Variants in USH2A observed in about 807,000 individuals in gnomAD.
The protein encoded by USH2A is usherin, also known as Usher syndrome 2A (autosomal recessive, mild).
A neutral mutation model predicts 538.9 loss-of-function variants in USH2A; 443 were observed. That is an observed-to-expected ratio of 0.82 (90% CI 0.76 to 0.89). The LOEUF is 0.89. USH2A is among the 40% of genes least tolerant of loss of function. The pLI is 0.00. For missense variants in USH2A, 6,633 were observed against 6,324.8 expected (o/e 1.05, Z -1.65); for synonymous variants, 2,413 against 2,273.5 (o/e 1.06, Z -1.75).
chr1:216,271,109 A>C (rs1197462660), intron 11 of USH2A, among the ~76,000 whole-genome samples: 1 of 152,078 alleles, frequency 6.6e-6, no homozygotes. Context: ...TACTTGGTAC[A>C]CCTCTGTGTC....
intron 37 of USH2A, among the ~76,000 whole-genome samples, chr1:215,951,808 A>G (rs375729877): frequency 6.6e-6 from 1 of 151,836 alleles, no homozygotes; most frequent in African/African-American, 2.4e-5. Context: ...CCATTCTGTA[A>G]TGGCCTTCTT....
At chr1:216,096,845 A>C (rs1193502547) in intron 22 of USH2A, among the ~76,000 whole-genome samples, 1 of 152,210 alleles carries the variant, frequency 6.6e-6, no homozygotes, top group Non-Finnish European at 1.5e-5. Flanking sequence ...TTGGTTGTTA[A>C]GCCCACAGAT....
chr1:216,145,944 T>C (rs1466327037), intron 21 of USH2A, among the ~76,000 whole-genome samples: 4 of 152,150 alleles, frequency 2.6e-5, no homozygotes, highest in Admixed American at 1.3e-4. Context: ...CTTATCTCCC[T>C]TCGCTGACTC....
Position 215,993,002 on chromosome 1 carries a change from C to T in USH2A, c.6805+18G>A. The T allele has an allele frequency of 6.2e-7, 1 of 1,613,936 alleles. No individual in the cohort carries two copies. Among genetic ancestry groups the T allele is most frequent in the South Asian group, 1.1e-5 (1 of 91,062 alleles). Reference sequence around the variant, plus strand: ...TGCTAATCATCTTTTTAACTTGAGGCTAAAAGAGTTCACTTACCATTCGGA... The same window carrying T: ...TGCTAATCATCTTTTTAACTTGAGGTTAAAAGAGTTCACTTACCATTCGGA... On this transcript the variant is annotated intron_variant, in intron 35 of 71. Transcript: ENST00000307340.
At position 215,844,324 on chromosome 1, in the gene USH2A, G is replaced by A. The variant is rs186421333; in HGVS notation, c.9228C>T (p.Asp3076=). 1.9e-6 allele frequency: 3 copies of A among 1,613,718 alleles called. No individual in the cohort carries two copies. Among genetic ancestry groups the A allele is most frequent in the Non-Finnish European group, 2.5e-6 (3 of 1,179,804 alleles). ...MNVPGSFILR[D]LSPFTIYDIQ... ...TGTCATAGATAGTGAAGGGAGACAG[G>A]TCTCTCAGAATAAACGACCCAGGCA... Residue 3076 remains aspartate, a synonymous_variant, in exon 46 of 72, where the codon GAC becomes GAT. Transcript: ENST00000307340.
chr1:215,999,715 C>T (rs182474066), intron 33 of USH2A, among the ~76,000 whole-genome samples: 7 of 152,174 alleles, frequency 4.6e-5, no homozygotes, highest in Non-Finnish European at 7.4e-5. Flanking sequence ...GGCTAAGTAA[C>T]GTGGCTTGGC....
intron 11 of USH2A, among the ~76,000 whole-genome samples, chr1:216,267,348 T>C (rs1388441202): frequency 6.6e-6 from 1 of 152,096 alleles, no homozygotes; most frequent in Non-Finnish European, 1.5e-5. Flanking sequence ...GCCTGACAGA[T>C]ATATTTCCAG....
intron 30 of USH2A, among the ~76,000 whole-genome samples, chr1:216,053,245 T>C (rs1429720835): frequency 1.3e-5 from 2 of 152,068 alleles, no homozygotes; most frequent in South Asian, 2.1e-4. Context: ...TATTTTGGTA[T>C]TATATTAAAA....
intron 21 of USH2A, among the ~76,000 whole-genome samples, chr1:216,157,587 T>C (rs1447265729): frequency 2.6e-5 from 4 of 152,294 alleles, no homozygotes; most frequent in Non-Finnish European, 5.9e-5. Context: ...AATGATGGAC[T>C]GGATAAAGAA....
rs540161938 is a variant in USH2A at position 216,135,720 on chromosome 1, T to C, written c.4628-38507A>G. On this transcript the variant is annotated intron_variant, in intron 21 of 71. Transcript: ENST00000307340. ...CACATGATTGGTATGTATTCAATGA[T>C]GTATTCATTGCTCTCTCATGAAGAT... Among the ~76,000 whole-genome samples the C allele has an allele frequency of 6.9e-4, 105 of 152,266 alleles. 1 individual carries two copies. In the South Asian group the frequency reaches 7.3e-3, roughly 11 times the overall value.
intron 9 of USH2A, among the ~76,000 whole-genome samples, chr1:216,296,445 A>G (rs993231893): frequency 1.3e-5 from 2 of 152,178 alleles, no homozygotes; most frequent in Admixed American, 1.3e-4. Context: ...TGGCTTCTGT[A>G]TATGTATCTT....
Position 215,889,530 on chromosome 1 carries a change from C to T in USH2A, c.7595-476G>A, listed in dbSNP as rs17025555. On this transcript the variant is annotated intron_variant, in intron 40 of 71. Transcript: ENST00000307340. Reference sequence around the variant, plus strand: ...CTCTCATTATATATTCTATATTATACTTGGTTCTGTTTATCATTCTAATCC... The same window carrying T: ...CTCTCATTATATATTCTATATTATATTTGGTTCTGTTTATCATTCTAATCC... Among the ~76,000 whole-genome samples, 496 of 152,128 alleles carry T rather than the reference C, an allele frequency of 3.3e-3. 17 individuals carry two copies. The East Asian group carries it at 0.062, about 19-fold the overall frequency.
At chr1:215,861,592 C>CA (rs945927045) in intron 44 of USH2A, among the ~76,000 whole-genome samples, 7 of 152,148 alleles carry the variant, frequency 4.6e-5, no homozygotes, top group Non-Finnish European at 1.0e-4. Context: ...ATCATGTCCT[C>CA]ATTCCAGTCC....
chr1:216,190,603 T>A (rs924221553), intron 19 of USH2A, among the ~76,000 whole-genome samples: 1 of 151,140 alleles, frequency 6.6e-6, no homozygotes, highest in Non-Finnish European at 1.5e-5. Flanking sequence ...AGTGGATAAA[T>A]GAGAAAACCA....
At chr1:216,129,326 G>A (rs2033321099) in intron 21 of USH2A, among the ~76,000 whole-genome samples, 2 of 152,052 alleles carry the variant, frequency 1.3e-5, no homozygotes, top group Non-Finnish European at 2.9e-5. Context: ...AGGAACTTCT[G>A]CACTGTTCTT....
chr1:216,327,659 A>G lies in USH2A; in HGVS notation c.785-5T>C. 1 of 1,613,014 alleles carries G rather than the reference A, an allele frequency of 6.2e-7. No individual in the cohort carries two copies. Among genetic ancestry groups the G allele is most frequent in the Non-Finnish European group, 8.5e-7 (1 of 1,179,376 alleles). On this transcript the variant is annotated splice_polypyrimidine_tract_variant and splice_region_variant and intron_variant, in intron 4 of 71. Coordinates refer to ENST00000307340, the MANE Select transcript of USH2A (RefSeq NM_206933.4). Reference sequence around the variant, plus strand: ...TTCCGACAAACTGCTCTAAACCTGCAAATACACACATGTGCATAATATAAG... The same window carrying G: ...TTCCGACAAACTGCTCTAAACCTGCGAATACACACATGTGCATAATATAAG...
chr1:215,827,941 A>C (rs1229512811), intron 47 of USH2A, among the ~76,000 whole-genome samples: 2 of 152,214 alleles, frequency 1.3e-5, no homozygotes, highest in East Asian at 3.8e-4. Context: ...ACAAAACTGT[A>C]AAATCATTAC....
chr1:215,773,048 T>A (rs1661338550), intron 55 of USH2A, among the ~76,000 whole-genome samples: 1 of 152,114 alleles, frequency 6.6e-6, no homozygotes, highest in African/African-American at 2.4e-5. Context: ...TAAGAAGAAA[T>A]CACTTAGGCA....
chr1:216,189,829 T>A (rs1402483067), intron 20 of USH2A, among the ~76,000 whole-genome samples: 1 of 151,968 alleles, frequency 6.6e-6, no homozygotes, highest in Non-Finnish European at 1.5e-5. Flanking sequence ...GCTTCCTGAT[T>A]GTTTCTCACA....
Sources: allele counts gnomAD v4.1 joint callset (sites outside exome capture counted in the v4.1 genomes callset), GRCh38; gene constraint gnomAD v4.1.1; transcripts MANE v1.5; gene names NCBI Gene and HGNC (gene_info 2026-07-23, HGNC 2026-07-21).